The following SAMMSON variants were observed in gnomAD, a reference collection of about 807,000 sequenced individuals.
The protein encoded by SAMMSON is long intergenic non-protein coding RNA 1212.
Position 70,292,219 on chromosome 3 carries a change from A to G in SAMMSON, n.739+976A>G, listed in dbSNP as rs761890636. ...TGAATTGGAGATAATAATACCACAT[A>G]GAGTTGTTGTACAGATTGAGTGGTA... On this transcript the variant is annotated intron_variant and non_coding_transcript_variant, in intron 7 of 9. Transcript: ENST00000642114. Among the ~76,000 whole-genome samples, 6 of 152,184 alleles carry G rather than the reference A, an allele frequency of 3.9e-5. 1 individual carries two copies. The highest frequency in any genetic ancestry group is 6.3e-3 in the Middle Eastern group (2 of 316).
intron 6 of SAMMSON, among the ~76,000 whole-genome samples, chr3:70,280,528 T>C (rs779511311): frequency 6.6e-6 from 1 of 152,138 alleles, no homozygotes. Flanking sequence ...TGAAGCATTA[T>C]CTCTACTTTT....
chr3:70,103,803 C>A (rs1251943529), intron 4 of SAMMSON, among the ~76,000 whole-genome samples: 1 of 152,124 alleles, frequency 6.6e-6, no homozygotes, highest in Non-Finnish European at 1.5e-5. Flanking sequence ...TAAGAGGTTG[C>A]TATAATTTCC....
chr3:70,170,046 G>C (rs1700917677), intron 4 of SAMMSON, among the ~76,000 whole-genome samples: 1 of 151,904 alleles, frequency 6.6e-6, no homozygotes, highest in Non-Finnish European at 1.5e-5. Flanking sequence ...TCTGGAAGCA[G>C]TTATGTGTAT....
At chr3:70,059,390 T>C (rs1222443737) in intron 3 of SAMMSON, among the ~76,000 whole-genome samples, 5 of 151,570 alleles carry the variant, frequency 3.3e-5, no homozygotes, top group Non-Finnish European at 7.4e-5. Context: ...ATTATGGGAG[T>C]TGAGAATTCC....
At chr3:70,102,204 CA>C (rs2067348936) in intron 4 of SAMMSON, among the ~76,000 whole-genome samples, 3 of 152,104 alleles carry the variant, frequency 2.0e-5, no homozygotes, top group Admixed American at 2.0e-4. Flanking sequence ...CTAAAATCAG[CA>C]ATTTCATCTT....
chr3:70,320,710 C>T (rs1049273479), intron 7 of SAMMSON, among the ~76,000 whole-genome samples: 3 of 152,000 alleles, frequency 2.0e-5, no homozygotes, highest in Non-Finnish European at 2.9e-5. Context: ...AGACTGTGTC[C>T]GAAATGGGTC....
chr3:70,419,579 T>G (rs1010942421), intron 2 of SAMMSON, among the ~76,000 whole-genome samples: 4 of 152,154 alleles, frequency 2.6e-5, no homozygotes, highest in African/African-American at 9.7e-5. Flanking sequence ...ATAGGTTATC[T>G]AAGAAATAAA....
chr3:70,312,087 G>A, intron 7 of SAMMSON: 2 of 390,336 alleles, frequency 5.1e-6, no homozygotes, highest in Non-Finnish European at 9.0e-6. Flanking sequence ...TATCTCTATA[G>A]TTTTTCAGTT....
chr3:70,212,463 C>T (rs896228652), intron 4 of SAMMSON, among the ~76,000 whole-genome samples: 3 of 152,074 alleles, frequency 2.0e-5, no homozygotes, highest in African/African-American at 7.2e-5. Context: ...TATTATTTGA[C>T]TGGCCCTGTC....
intron 4 of SAMMSON, among the ~76,000 whole-genome samples, chr3:70,241,869 G>A (rs1701669357): frequency 1.3e-5 from 2 of 152,204 alleles, no homozygotes; most frequent in South Asian, 4.1e-4. Flanking sequence ...TGTGTAAGTA[G>A]TAGAGATGGG....
chr3:70,002,414 G>A (rs889185515), intron 1 of SAMMSON, among the ~76,000 whole-genome samples: 2 of 152,078 alleles, frequency 1.3e-5, no homozygotes, highest in Non-Finnish European at 2.9e-5. Context: ...AATTCTCGTT[G>A]AATTTACGAA....
chr3:70,106,279 T>G (rs1446067361), intron 4 of SAMMSON, among the ~76,000 whole-genome samples: 1 of 152,000 alleles, frequency 6.6e-6, no homozygotes, highest in Non-Finnish European at 1.5e-5. Flanking sequence ...TTCTAAATTT[T>G]GTGTGTATTT....
At chr3:70,356,679 C>T (rs1702831894) in intron 8 of SAMMSON, among the ~76,000 whole-genome samples, 1 of 151,890 alleles carries the variant, frequency 6.6e-6, no homozygotes, top group South Asian at 2.1e-4. Flanking sequence ...TTTTAAAATA[C>T]CTATCCTTTT....
At chr3:70,000,412 A>C (rs2066901472) in intron 1 of SAMMSON, among the ~76,000 whole-genome samples, 1 of 152,228 alleles carries the variant, frequency 6.6e-6, no homozygotes, top group Non-Finnish European at 1.5e-5. Context: ...ATAGAACTAT[A>C]ATATAATGGT....
chr3:70,354,222 C>A (rs1702813879), exon 8 of SAMMSON: 1 of 152,148 alleles, frequency 6.6e-6, no homozygotes, highest in Non-Finnish European at 1.5e-5. Context: ...AAGTACCCTT[C>A]TCTATGGTAT....
At chr3:70,092,911 T>TG (rs908986584) in intron 4 of SAMMSON, among the ~76,000 whole-genome samples, 21 of 150,784 alleles carry the variant, frequency 1.4e-4, no homozygotes, top group South Asian at 2.1e-4. Context: ...TGTTTTTTTT[T>TG]TTTTGTTTTT....
chr3:70,027,800 A>T (rs751498876), intron 3 of SAMMSON, among the ~76,000 whole-genome samples: 4 of 152,204 alleles, frequency 2.6e-5, no homozygotes, highest in Non-Finnish European at 5.9e-5. Flanking sequence ...AGCACTGATG[A>T]TAAATTTCTT....
intron 4 of SAMMSON, among the ~76,000 whole-genome samples, chr3:70,131,140 C>G (rs747066130): frequency 6.2e-4 from 95 of 152,180 alleles, no homozygotes; most frequent in Non-Finnish European, 2.4e-4. Context: ...TATCATCTCA[C>G]TTAACAGAGC....
intron 4 of SAMMSON, among the ~76,000 whole-genome samples, chr3:70,189,153 A>G (rs1305759392): frequency 6.6e-6 from 1 of 152,194 alleles, no homozygotes; most frequent in Non-Finnish European, 1.5e-5. Context: ...CACCCCCAGG[A>G]GGAATCTTGA....
Sources: gnomAD v4.1 joint callset for allele counts (sites outside exome capture counted in the v4.1 genomes callset) on GRCh38, gnomAD v4.1.1 for gene constraint, MANE v1.5 for transcripts, NCBI Gene and HGNC (gene_info 2026-07-23, HGNC 2026-07-21) for gene names.